The following LIMD1 variants were observed in gnomAD, a reference collection of about 807,000 sequenced individuals.
LIMD1 encodes LIM domain-containing protein 1.
In LIMD1, 23 loss-of-function variants were observed where a neutral mutation model predicts 58.4. The observed-to-expected ratio is 0.39, with a 90% CI of 0.28 to 0.56. The LOEUF (loss-of-function observed/expected upper bound fraction) is 0.56. Ranked by LOEUF, LIMD1 falls within the 20% of genes least tolerant of loss-of-function variation. The probability of loss-of-function intolerance (pLI) is 0.57; values close to 1 mark genes in which losing one functional copy is unlikely to be tolerated. For missense variants in LIMD1, 838 were observed against 855.5 expected, an observed-to-expected ratio of 0.98 and a Z score of 0.25; for synonymous variants, 334 against 345.5, an observed-to-expected ratio of 0.97 and a Z score of 0.37.
chr3:45,595,248 G>T lies in LIMD1; in HGVS notation c.369G>T (p.Gly123=). Residue 123 remains glycine (G), a synonymous_variant, in exon 1 of 8, where the codon GGG becomes GGT. Coordinates refer to ENST00000273317, the MANE Select transcript of LIMD1 (RefSeq NM_014240.3). ...APGAVTTLAA[G]QPPYPPQEQR... is the part of the protein sequence containing the mutation. The stretch of plus-strand genomic sequence containing the variant: ...GGGCAGTCACCACCCTCGCTGCTGG[G>T]CAGCCCCCGTACCCACCGCAGGAGC... 6.2e-7 allele frequency: 1 copy of T among 1,606,426 alleles called. No individual in the cohort carries two copies. The highest frequency in any genetic ancestry group is 8.5e-7 in the Non-Finnish European group (1 of 1,176,342).
At chr3:45,620,267 T>C (rs1220560694) in intron 1 of LIMD1, among the ~76,000 whole-genome samples, 1 of 152,166 alleles carries the variant, frequency 6.6e-6, no homozygotes, top group Non-Finnish European at 1.5e-5. Context: ...AGAAACTGGC[T>C]TCAAAATCTG....
At position 45,679,241 on chromosome 3, in the gene LIMD1, A is replaced by G. The variant is rs1489670013; in HGVS notation, c.*2182A>G. ...AGGTGATTCAGATAGGTTTGCGAAT[A>G]TACCATTTTATATTGTTGAGAAAGA... On this transcript the variant is annotated 3_prime_UTR_variant, in exon 8 of 8. Coordinates refer to ENST00000273317, the MANE Select transcript of LIMD1 (RefSeq NM_014240.3). 2 of 152,246 alleles carry G rather than the reference A, an allele frequency of 1.3e-5. No individual in the cohort carries two copies. Among genetic ancestry groups the G allele is most frequent in the South Asian group, 2.1e-4 (1 of 4,834 alleles). 9.4% of individuals were successfully genotyped at this position (152,246 alleles called of 1,614,324 possible). A position where few individuals can be genotyped will look rare whatever the true frequency, so the allele number is the denominator to read the frequency against.
chr3:45,679,599 A>G lies in LIMD1; in HGVS notation c.*2540A>G, dbSNP rs1408993399. On this transcript the variant is annotated 3_prime_UTR_variant, in exon 8 of 8. Transcript: ENST00000273317. ...TTTGACAATTCTTGGACTTGAGGTA[A>G]AACAAGGAGGATTGTGGCCGGATTT... 1 of 152,196 alleles carries G rather than the reference A, an allele frequency of 6.6e-6. No individual in the cohort carries two copies. Among genetic ancestry groups the G allele is most frequent in the Non-Finnish European group, 1.5e-5 (1 of 68,034 alleles). 9.4% of individuals were successfully genotyped at this position (152,196 alleles called of 1,614,324 possible).
chr3:45,629,295 C>T (rs1391669341), intron 1 of LIMD1, among the ~76,000 whole-genome samples: 14 of 151,668 alleles, frequency 9.2e-5, no homozygotes, highest in Admixed American at 9.2e-4. Context: ...TGCCTGTAAT[C>T]CCAGCTACTC....
At chr3:45,605,120 C>G (rs1701455416) in intron 1 of LIMD1, among the ~76,000 whole-genome samples, 1 of 152,240 alleles carries the variant, frequency 6.6e-6, no homozygotes, top group Non-Finnish European at 1.5e-5. Flanking sequence ...TGGGCAAGTC[C>G]CTCTAGCTCT....
At chr3:45,670,158 T>C (rs1697571235) in intron 4 of LIMD1, among the ~76,000 whole-genome samples, 1 of 152,214 alleles carries the variant, frequency 6.6e-6, no homozygotes, top group African/African-American at 2.4e-5. Context: ...TTCTAGACTC[T>C]GTAGGGCTCT....
intron 2 of LIMD1, among the ~76,000 whole-genome samples, chr3:45,646,445 C>T (rs1335409271): frequency 6.6e-5 from 10 of 152,284 alleles, no homozygotes; most frequent in Admixed American, 5.9e-4. Context: ...CACCACCAGC[C>T]CACTTGACCT....
chr3:45,673,756 A>C (rs1422505657), intron 6 of LIMD1: 1 of 518,188 alleles, frequency 1.9e-6, no homozygotes, highest in Non-Finnish European at 3.5e-6. Context: ...TCTACAAAAA[A>C]TTGTTAAAAA....
chr3:45,647,367 T>G (rs1379715182), intron 2 of LIMD1, among the ~76,000 whole-genome samples: 1 of 152,208 alleles, frequency 6.6e-6, no homozygotes, highest in Non-Finnish European at 1.5e-5. Flanking sequence ...GCTCCCAGAC[T>G]CTTCCCAGGA....
intron 1 of LIMD1, among the ~76,000 whole-genome samples, chr3:45,620,224 A>G (rs555381737): frequency 5.4e-4 from 82 of 152,284 alleles, no homozygotes; most frequent in African/African-American, 1.8e-3. Flanking sequence ...GCCTTTTCAC[A>G]AGGAAGGGTG....
At chr3:45,666,607 C>T (rs550427276) in intron 3 of LIMD1, among the ~76,000 whole-genome samples, 11 of 152,290 alleles carry the variant, frequency 7.2e-5, no homozygotes, top group African/African-American at 2.6e-4. Context: ...CCTGTCCCTC[C>T]TGCACCCACA....
At chr3:45,617,001 G>T (rs1701582401) in intron 1 of LIMD1, among the ~76,000 whole-genome samples, 1 of 149,542 alleles carries the variant, frequency 6.7e-6, no homozygotes, top group South Asian at 2.1e-4. Context: ...CCAAAGTGCT[G>T]GGATTACAGG....
chr3:45,630,718 G>A (rs893563), intron 1 of LIMD1, among the ~76,000 whole-genome samples: 27,802 of 151,798 alleles, frequency 0.18, 2,725 homozygotes, highest in Non-Finnish European at 0.23. Context: ...TGATGGGGGG[G>A]GTTGGGGGGC....
intron 1 of LIMD1, among the ~76,000 whole-genome samples, chr3:45,631,843 C>T (rs948797054): frequency 2.7e-4 from 41 of 152,192 alleles, no homozygotes; most frequent in African/African-American, 9.7e-4. Flanking sequence ...ATTCCCCAAA[C>T]CCAAATAAGA....
chr3:45,614,396 G>A (rs1212117107), intron 1 of LIMD1, among the ~76,000 whole-genome samples: 2 of 149,596 alleles, frequency 1.3e-5, no homozygotes, highest in Non-Finnish European at 3.0e-5. Context: ...GCGTGGTGGC[G>A]GGCACCTGTA....
intron 1 of LIMD1, among the ~76,000 whole-genome samples, chr3:45,623,660 C>G (rs1043280068): frequency 6.6e-6 from 1 of 152,104 alleles, no homozygotes; most frequent in Non-Finnish European, 1.5e-5. Context: ...TAAGTACTTC[C>G]TTTGTGGCTT....
At position 45,660,644 on chromosome 3, in the gene LIMD1, G is replaced by C. The variant is rs149843258; in HGVS notation, c.1511-5006G>C. Among the ~76,000 whole-genome samples the C allele has an allele frequency of 2.3e-3, 353 of 152,188 alleles. 5 individuals carry two copies. Among genetic ancestry groups the C allele is most frequent in the African/African-American group, 8.0e-3 (333 of 41,514 alleles). On this transcript the variant is annotated intron_variant, in intron 2 of 7. Coordinates refer to ENST00000273317, the MANE Select transcript of LIMD1 (RefSeq NM_014240.3). ...TTGGCCAGGCTGGTCTCGAACTCGT[G>C]ATCTCAAGTGGTCCAACAGCCTCAG...
At chr3:45,602,048 T>G (rs1238488497) in intron 1 of LIMD1, among the ~76,000 whole-genome samples, 2 of 151,640 alleles carry the variant, frequency 1.3e-5, no homozygotes, top group African/African-American at 2.4e-5. Context: ...GTTCAAGCCA[T>G]TCTCCTGCCT....
At chr3:45,658,411 C>T (rs1489999086) in intron 2 of LIMD1, among the ~76,000 whole-genome samples, 1 of 152,080 alleles carries the variant, frequency 6.6e-6, no homozygotes, top group East Asian at 1.9e-4. Context: ...CTTATCTAGC[C>T]AGCTGGGCAA....
Sources: gnomAD v4.1 joint callset for allele counts (sites outside exome capture counted in the v4.1 genomes callset) on GRCh38, gnomAD v4.1.1 for gene constraint, MANE v1.5 for transcripts, NCBI Gene and HGNC (gene_info 2026-07-23, HGNC 2026-07-21) for gene names.